HERC1: variants seen among roughly 807,000 people sequenced by gnomAD.
The protein encoded by HERC1 is probable E3 ubiquitin-protein ligase HERC1.
A neutral mutation model predicts 554.3 loss-of-function variants in HERC1; 160 were observed. The ratio of observed to expected loss-of-function variants is 0.29; its 90% CI spans 0.25 to 0.33. HERC1 has a LOEUF of 0.33. Ranked by LOEUF, HERC1 falls within the 10% of genes least tolerant of loss-of-function variation. HERC1 has a pLI of 1.00. For missense variants in HERC1, 4,919 were observed against 5,918.5 expected (o/e 0.83, Z 5.54); for synonymous variants, 2,175 against 2,131.7 (o/e 1.02, Z -0.56).
In HERC1 at chr15:63,666,157, A is replaced by C; in HGVS notation, c.8324-7T>G. 1 of 1,602,374 alleles carries C rather than the reference A, an allele frequency of 6.2e-7. No homozygotes were observed. Among genetic ancestry groups the C allele is most frequent in the Non-Finnish European group, 8.5e-7 (1 of 1,173,588 alleles). On this transcript the variant is annotated splice_region_variant and splice_polypyrimidine_tract_variant and intron_variant, in intron 41 of 77. Coordinates refer to ENST00000443617, the MANE Select transcript of HERC1 (RefSeq NM_003922.4). Reference sequence around the variant, plus strand: ...TCAGCCTCTCCCCTAGCACCTATACAGGGGAAAAACAGTCTGATGCTGACT... The same window carrying C: ...TCAGCCTCTCCCCTAGCACCTATACCGGGGAAAAACAGTCTGATGCTGACT...
chr15:63,625,872 A>C (rs187002405), intron 71 of HERC1, 113 bp downstream of exon 71: 1 of 1,062,496 alleles, frequency 9.4e-7, no homozygotes, highest in African/African-American at 1.6e-5. Context: ...CTTATTAGCC[A>C]TGAAAGAATT....
Position 63,725,336 on chromosome 15 carries a change from G to A in HERC1, c.3524C>T (p.Thr1175Met), listed in dbSNP as rs763817683. ...EEQDTAYWMK[T>M]PLFSDGVEMD... ...TTCTACACCGTCACTGAACAGTGGCGTTTTCATCCAATATGCAGTGTCCTG... is the reference window on the plus strand; with the variant it reads ...TTCTACACCGTCACTGAACAGTGGCATTTTCATCCAATATGCAGTGTCCTG... The change falls in exon 18 of 78, where the codon ACG becomes ATG. Residue 1175 changes from threonine to methionine, a missense_variant. Around this residue, in one of 11 missense-constraint regions of HERC1, gnomAD observed 1,121 missense variants for 1,244.0 expected, o/e 0.90. Coordinates refer to ENST00000443617, the MANE Select transcript of HERC1 (RefSeq NM_003922.4). The A allele has an allele frequency of 1.5e-5, 24 of 1,613,784 alleles. No homozygotes were observed. The highest frequency in any genetic ancestry group is 5.3e-5 in the African/African-American group (4 of 74,898).
At position 63,616,520 on chromosome 15, in the gene HERC1, G is replaced by T. The variant is rs367585281; in HGVS notation, c.13851C>A (p.Asp4617Glu). 1.2e-6 allele frequency: 2 copies of T among 1,613,916 alleles called. No homozygotes were observed. The highest frequency in any genetic ancestry group is 1.7e-6 in the Non-Finnish European group (2 of 1,179,870). Residue 4617 changes from aspartate to glutamate, a missense_variant, in exon 75 of 78, where the codon GAC (aspartate) becomes GAA (glutamate). Asp to Glu is a conservative substitution (Grantham distance 45, BLOSUM62 2). Coordinates refer to ENST00000443617, the MANE Select transcript of HERC1 (RefSeq NM_003922.4). ...QLCCVPLTLE[D>E]LEEVDLLYVQ... is the part of the protein sequence containing the mutation. ...CGTAGAGCAGATCCACCTCCTCCAGGTCCTCTAGGGTGAGTGGGACACAGC... is the reference window on the plus strand; with the variant it reads ...CGTAGAGCAGATCCACCTCCTCCAGTTCCTCTAGGGTGAGTGGGACACAGC...
chr15:63,610,468 G>A (rs1595806878), intron 77 of HERC1, among the ~76,000 whole-genome samples: 1 of 152,224 alleles, frequency 6.6e-6, no homozygotes, highest in African/African-American at 2.4e-5. Flanking sequence ...AGAACGGCAG[G>A]AGTAGCCCAG....
At chr15:63,737,777 T>C (rs2074612593) in intron 12 of HERC1, among the ~76,000 whole-genome samples, 1 of 151,898 alleles carries the variant, frequency 6.6e-6, no homozygotes, top group African/African-American at 2.4e-5. Context: ...ACTTGCTATA[T>C]AGCATCTAGA....
chr15:63,674,297 T>C, intron 38 of HERC1, 45 bp downstream of exon 38: 1 of 1,469,316 alleles, frequency 6.8e-7, no homozygotes, highest in Non-Finnish European at 9.1e-7. Flanking sequence ...ATGAAAATAA[T>C]CTCAACAGCA....
chr15:63,721,516 A>C (rs1279608566), intron 19 of HERC1, among the ~76,000 whole-genome samples: 1 of 152,026 alleles, frequency 6.6e-6, no homozygotes, highest in Non-Finnish European at 1.5e-5. Flanking sequence ...ATAAGAGGAG[A>C]CTCTGTCTCA....
Position 63,749,269 on chromosome 15 carries a change from G to C in HERC1, c.2219+98C>G. On this transcript the variant is annotated intron_variant, in intron 10 of 77. Coordinates refer to ENST00000443617, the MANE Select transcript of HERC1 (RefSeq NM_003922.4). The surrounding 1 kb of genome is among the most constrained non-coding windows in gnomAD (Gnocchi z 4.1). ...ATATATGTTCAGAAGAGTATTTTAT[G>C]AACAAAGCACAATTATTTCTGTTTT... 1.1e-6 allele frequency: 1 copy of C among 943,568 alleles called. No individual in the cohort carries two copies. The highest frequency in any genetic ancestry group is 1.6e-6 in the Non-Finnish European group (1 of 626,356). 58.4% of individuals were successfully genotyped at this position (943,568 alleles called of 1,614,324 possible). A position where few individuals can be genotyped will look rare whatever the true frequency, so the allele number is the denominator to read the frequency against.
intron 13 of HERC1, 41 bp from the exon 14 acceptor site, chr15:63,733,186 T>A: frequency 7.5e-7 from 1 of 1,326,868 alleles, no homozygotes; most frequent in Non-Finnish European, 1.1e-6. Context: ...TAGCGTAATA[T>A]GCACTAGAAA....
rs184496752 is a variant in HERC1 at position 63,736,113 on chromosome 15, C to G, written c.2521-1264G>C. Among the ~76,000 whole-genome samples the G allele has an allele frequency of 2.3e-3, 353 of 152,186 alleles. 1 individual carries two copies. Among genetic ancestry groups the G allele is most frequent in the African/African-American group, 8.0e-3 (333 of 41,524 alleles). On this transcript the variant is annotated intron_variant, in intron 12 of 77. Transcript: ENST00000443617. Reference sequence around the variant, plus strand: ...AATTTTGGAAACAGAAAGGAACAGACAAAGGGTAACTGACTTAAAAGACCT... The same window carrying G: ...AATTTTGGAAACAGAAAGGAACAGAGAAAGGGTAACTGACTTAAAAGACCT...
chr15:63,614,713 A>C (rs1018279581), intron 76 of HERC1, among the ~76,000 whole-genome samples: 2 of 152,248 alleles, frequency 1.3e-5, no homozygotes, highest in African/African-American at 2.4e-5. Flanking sequence ...TATTATCAAA[A>C]GAACCATTTT....
In HERC1 at chr15:63,680,301, C is replaced by T. The variant is rs76946928; in HGVS notation, c.6466-141G>A. ...CAAATTCTCAATTAACCTTGCTAAC[C>T]GAGAAAATTCTACATATAATAAGTG... is the stretch of plus-strand genomic sequence containing the variant. On this transcript the variant is annotated intron_variant, in intron 35 of 77. Transcript: ENST00000443617. The surrounding 1 kb of genome is among the most constrained non-coding windows in gnomAD (Gnocchi z 5.8). 1.0e-3 allele frequency: 760 copies of T among 750,618 alleles called. 7 individuals carry two copies. In the East Asian group the frequency reaches 0.015, roughly 15 times the overall value. The allele number at this position is 750,618 out of a possible 1,614,324, so 46.5% of individuals were successfully genotyped here. A position where few individuals can be genotyped will look rare whatever the true frequency, so the allele number is the denominator to read the frequency against.
chr15:63,689,892 G>A (rs768874587), intron 32 of HERC1, among the ~76,000 whole-genome samples, 193 bp from the exon 33 acceptor site: 1 of 152,088 alleles, frequency 6.6e-6, no homozygotes, highest in East Asian at 1.9e-4. Flanking sequence ...AGCCAGGCAC[G>A]GTGGCTCATG....
chr15:63,644,453 C>T (rs1207090370), intron 57 of HERC1, among the ~76,000 whole-genome samples: 1 of 151,888 alleles, frequency 6.6e-6, no homozygotes, highest in Non-Finnish European at 1.5e-5. Context: ...ATTCTAGAAA[C>T]TGACAATCAG....
In HERC1 at chr15:63,609,213, G is replaced by A. The variant is rs778065837; in HGVS notation, c.14454C>T (p.Pro4818=). Residue 4818 remains proline, a synonymous_variant, in exon 78 of 78, where the codon CCC becomes CCT. Coordinates refer to ENST00000443617, the MANE Select transcript of HERC1 (RefSeq NM_003922.4). Reference sequence around the variant, plus strand: ...CCATGACCAGCTGGCTGGAGTACGGGGGCAGCCTCAGCTGGAAGAAGCAGG... The same window carrying A: ...CCATGACCAGCTGGCTGGAGTACGGAGGCAGCCTCAGCTGGAAGAAGCAGG... ...SQTCFFQLRL[P]PYSSQLVMAE... is the part of the protein sequence containing the mutation. 17 of 1,613,688 alleles carry A rather than the reference G, an allele frequency of 1.1e-5. No homozygotes were observed. In the East Asian group the frequency reaches 3.3e-4, roughly 32 times the overall value.
intron 40 of HERC1, among the ~76,000 whole-genome samples, chr15:63,668,043 G>A (rs1466901011): frequency 6.6e-6 from 1 of 152,094 alleles, no homozygotes; most frequent in Non-Finnish European, 1.5e-5. Context: ...ATGTTCAAGG[G>A]TCAACTGTAT....
intron 72 of HERC1, 132 bp downstream of exon 72, chr15:63,624,026 A>G: frequency 8.1e-7 from 1 of 1,229,648 alleles, no homozygotes; most frequent in African/African-American, 1.5e-5. Flanking sequence ...TAACCACACC[A>G]GGTACTAATG....
chr15:63,619,841 T>A (rs1033448098), intron 74 of HERC1, among the ~76,000 whole-genome samples: 17 of 152,244 alleles, frequency 1.1e-4, no homozygotes, highest in East Asian at 3.9e-4. Flanking sequence ...GGTGGTGATA[T>A]CCCCTTTGTC....
intron 34 of HERC1, among the ~76,000 whole-genome samples, chr15:63,682,608 C>T (rs927417216): frequency 6.6e-6 from 1 of 152,080 alleles, no homozygotes; most frequent in South Asian, 2.1e-4. Context: ...CCCATCTCTA[C>T]AAAATATACA....
Sources: allele counts gnomAD v4.1 joint callset (sites outside exome capture counted in the v4.1 genomes callset), GRCh38; gene constraint gnomAD v4.1.1; regional missense constraint gnomAD v4.1.1; non-coding constraint Gnocchi (gnomAD v3.1); transcripts MANE v1.5; gene names NCBI Gene and HGNC (gene_info 2026-07-23, HGNC 2026-07-21).